RAB11A: variants seen among roughly 807,000 people sequenced by gnomAD.
RAB11A encodes ras-related protein Rab-11A.
In RAB11A, 9 loss-of-function variants were observed where a neutral mutation model predicts 28.0. The ratio of observed to expected loss-of-function variants is 0.32; its 90% confidence interval spans 0.19 to 0.56. The LOEUF is 0.56. RAB11A is among the 20% of genes least tolerant of loss of function. The pLI is 0.91. For synonymous variants in RAB11A, 85 were observed against 88.2 expected (o/e 0.96, Z 0.20); for missense variants, 108 against 269.6 (o/e 0.40, Z 4.20).
chr15:65,877,974 A>G lies in RAB11A; in HGVS notation c.430+19A>G, dbSNP rs761102980. The stretch of plus-strand genomic sequence containing the variant: ...TTTGCAGGTTAGTGATAGGAATTCC[A>G]TGATATTTCTTACCATTGTGTCTTG... On this transcript the variant is annotated intron_variant, in intron 3 of 4. Transcript: ENST00000261890. This position sits in a 1 kb window ranked among gnomAD's most constrained non-coding sequence, Gnocchi z 4.1. The G allele has an allele frequency of 5.6e-6, 9 of 1,594,092 alleles. No homozygotes were observed. Among genetic ancestry groups the G allele is most frequent in the African/African-American group, 1.3e-5 (1 of 74,446 alleles).
intron 1 of RAB11A, among the ~76,000 whole-genome samples, chr15:65,876,823 T>G (rs1272484626): frequency 6.6e-6 from 1 of 152,256 alleles, no homozygotes; most frequent in Non-Finnish European, 1.5e-5. Flanking sequence ...GTCTCAGTCC[T>G]GAGGTCACAC....
In RAB11A at chr15:65,877,339, T is replaced by C; in HGVS notation, c.48T>C (p.Leu16=). The change falls in exon 2 of 5, where the codon CTT becomes CTC. Residue 16 remains leucine, a synonymous_variant. Coordinates refer to ENST00000261890, the MANE Select transcript of RAB11A (RefSeq NM_004663.5). The surrounding 1 kb of genome is among the most constrained non-coding windows in gnomAD (Gnocchi z 4.1). ...AATTCTTTGTCTTTCCAGTTGTCCTTATTGGAGATTCTGGTGTTGGAAAGA... is the reference window on the plus strand; with the variant it reads ...AATTCTTTGTCTTTCCAGTTGTCCTCATTGGAGATTCTGGTGTTGGAAAGA... ...DEYDYLFKVV[L]IGDSGVGKSN... is the part of the protein sequence containing the mutation. 4 of 1,611,894 alleles carry C rather than the reference T, an allele frequency of 2.5e-6. No homozygotes were observed. Among genetic ancestry groups the C allele is most frequent in the East Asian group, 2.2e-5 (1 of 44,838 alleles).
chr15:65,887,656 A>G (rs770209189), intron 4 of RAB11A, 45 bp from the exon 5 acceptor site: 3 of 1,537,138 alleles, frequency 2.0e-6, no homozygotes, highest in South Asian at 2.4e-5. Context: ...CCTAACTATG[A>G]TAGGTTTATT....
intron 1 of RAB11A, among the ~76,000 whole-genome samples, chr15:65,871,723 C>T (rs1596780641): frequency 1.3e-5 from 2 of 152,054 alleles, no homozygotes; most frequent in Admixed American, 1.3e-4. Flanking sequence ...CGGTTTAGAT[C>T]CTGACTCAGG....
rs1714005554 is a variant in RAB11A, at chr15:65,889,854, T to TG, written c.*2017dup. ...TGTTGCTTTGAGTATGGCTGGATCTTGGGAGAATTCCAGGAAATATTAGGT... is the reference window on the plus strand; with the variant it reads ...TGTTGCTTTGAGTATGGCTGGATCTTGGGGAGAATTCCAGGAAATATTAGGT... On this transcript the variant is annotated 3_prime_UTR_variant, in exon 5 of 5. Coordinates refer to ENST00000261890, the MANE Select transcript of RAB11A (RefSeq NM_004663.5). The TG allele has an allele frequency of 6.6e-6, 1 of 152,220 alleles. No homozygotes were observed. The highest frequency in any genetic ancestry group is 2.4e-5 in the African/African-American group (1 of 41,454). The allele number at this position is 152,220 out of a possible 1,614,324, so 9.4% of individuals were successfully genotyped here. A position where few individuals can be genotyped will look rare whatever the true frequency, so the allele number is the denominator to read the frequency against.
intron 3 of RAB11A, 99 bp from the exon 4 acceptor site, chr15:65,879,572 G>C: frequency 1.1e-6 from 1 of 880,630 alleles, no homozygotes; most frequent in Non-Finnish European, 1.8e-6. Flanking sequence ...GAGGTCTTAA[G>C]TTTTAAAAAG....
At position 65,884,464 on chromosome 15, in the gene RAB11A, C is replaced by T. The variant is rs143609406; in HGVS notation, c.512-3237C>T. Among the ~76,000 whole-genome samples the T allele has an allele frequency of 3.5e-3, 527 of 151,998 alleles. 2 individuals are homozygous for T. The highest frequency in any genetic ancestry group is 0.012 in the African/African-American group (510 of 41,474). On this transcript the variant is annotated intron_variant, in intron 4 of 4. Coordinates refer to ENST00000261890, the MANE Select transcript of RAB11A (RefSeq NM_004663.5). Reference sequence around the variant, plus strand: ...GAACCAAAACAAAGAAAAGTTCTTACATAAAAAACAAATATATGTAAAACT... The same window carrying T: ...GAACCAAAACAAAGAAAAGTTCTTATATAAAAAACAAATATATGTAAAACT...
rs191451039 is a variant in RAB11A, at chr15:65,871,704, C to T, written c.40+2079C>T. On this transcript the variant is annotated intron_variant, in intron 1 of 4. Coordinates refer to ENST00000261890, the MANE Select transcript of RAB11A (RefSeq NM_004663.5). Reference sequence around the variant, plus strand: ...TTGAGAGCACTGAGCTTTGGAATCACGTAGACCTCGGTTTAGATCCTGACT... The same window carrying T: ...TTGAGAGCACTGAGCTTTGGAATCATGTAGACCTCGGTTTAGATCCTGACT... 1.8e-3 allele frequency among the ~76,000 whole-genome samples: 272 copies of T among 152,228 alleles called. 1 individual carries two copies. Among genetic ancestry groups the T allele is most frequent in the Admixed American group, 4.0e-3 (61 of 15,292 alleles).
chr15:65,884,849 G>C (rs2078245330), intron 4 of RAB11A, among the ~76,000 whole-genome samples: 1 of 151,286 alleles, frequency 6.6e-6, no homozygotes, highest in Admixed American at 6.6e-5. Context: ...TATTTCATTG[G>C]GAGTTTTGTG....
chr15:65,875,773 C>T (rs2078188232), intron 1 of RAB11A, among the ~76,000 whole-genome samples: 2 of 152,230 alleles, frequency 1.3e-5, no homozygotes, highest in African/African-American at 2.4e-5. Context: ...AATGGACTCT[C>T]TTTGCCCTCT....
chr15:65,885,253 G>T, intron 4 of RAB11A, among the ~76,000 whole-genome samples: 1 of 150,364 alleles, frequency 6.7e-6, no homozygotes, highest in Non-Finnish European at 1.5e-5. Flanking sequence ...TTCCCAAGTA[G>T]CTGAGACTAC....
Position 65,877,995 on chromosome 15 carries a change from T to A in RAB11A, c.430+40T>A. On this transcript the variant is annotated intron_variant, in intron 3 of 4. Coordinates refer to ENST00000261890, the MANE Select transcript of RAB11A (RefSeq NM_004663.5). The surrounding 1 kb of genome is among the most constrained non-coding windows in gnomAD (Gnocchi z 4.1). ...TTCCATGATATTTCTTACCATTGTG[T>A]CTTGTGGTTTTGATACCTTCCAATG... is the stretch of plus-strand genomic sequence containing the variant. The A allele has an allele frequency of 1.3e-6, 2 of 1,559,564 alleles. No homozygotes were observed. Among genetic ancestry groups the A allele is most frequent in the Non-Finnish European group, 1.8e-6 (2 of 1,130,686 alleles).
intron 4 of RAB11A, among the ~76,000 whole-genome samples, chr15:65,886,186 A>G (rs2078254736): frequency 6.6e-6 from 1 of 152,178 alleles, no homozygotes; most frequent in Non-Finnish European, 1.5e-5. Flanking sequence ...ATTTTGGAGT[A>G]TGGGTTTCTG....
rs1445157438 is a variant in RAB11A at position 65,877,090 on chromosome 15, C to A, written c.41-242C>A. On this transcript the variant is annotated intron_variant, in intron 1 of 4. Coordinates refer to ENST00000261890, the MANE Select transcript of RAB11A (RefSeq NM_004663.5). The surrounding 1 kb of genome is among the most constrained non-coding windows in gnomAD (Gnocchi z 4.1). ...GACAGGGTACCGTATCTGTGCTAAG[C>A]AGATGATATGTGGAAGTCATGCAGG... Among the ~76,000 whole-genome samples the A allele has an allele frequency of 6.6e-6, 1 of 152,188 alleles. No individual in the cohort carries two copies. The highest frequency in any genetic ancestry group is 2.4e-5 in the African/African-American group (1 of 41,428).
chr15:65,884,037 G>A (rs1596790619), intron 4 of RAB11A, among the ~76,000 whole-genome samples: 1 of 152,228 alleles, frequency 6.6e-6, no homozygotes, highest in East Asian at 1.9e-4. Flanking sequence ...TCTTTTGTGG[G>A]GGAAGGGGAG....
In RAB11A at chr15:65,887,885, C is replaced by G; in HGVS notation, c.*45C>G. ...AGAAGGCTGTGTATAGTCCATTTCC[C>G]AGGTCTGAGATTTAAATATATTTGT... On this transcript the variant is annotated 3_prime_UTR_variant, in exon 5 of 5. Transcript: ENST00000261890. 3 of 1,457,642 alleles carry G rather than the reference C, an allele frequency of 2.1e-6. No individual in the cohort carries two copies. Among genetic ancestry groups the G allele is most frequent in the Non-Finnish European group, 2.7e-6 (3 of 1,097,686 alleles). The allele number at this position is 1,457,642 out of a possible 1,614,324, so 90.3% of individuals were successfully genotyped here.
chr15:65,882,848 CTTT>C (rs1383547853), intron 4 of RAB11A, among the ~76,000 whole-genome samples: 1 of 152,072 alleles, frequency 6.6e-6, no homozygotes, highest in African/African-American at 2.4e-5. Context: ...ATACCTTTTA[CTTT>C]TTTATTTTAA....
At position 65,888,450 on chromosome 15, in the gene RAB11A, A is replaced by G. The variant is rs1354331790; in HGVS notation, c.*610A>G. 6.6e-6 allele frequency: 1 copy of G among 152,568 alleles called. No individual in the cohort carries two copies. Among genetic ancestry groups the G allele is most frequent in the African/African-American group, 2.4e-5 (1 of 41,444 alleles). The allele number at this position is 152,568 out of a possible 1,614,324, so 9.5% of individuals were successfully genotyped here. A position where few individuals can be genotyped will look rare whatever the true frequency, so the allele number is the denominator to read the frequency against. On this transcript the variant is annotated 3_prime_UTR_variant, in exon 5 of 5. Coordinates refer to ENST00000261890, the MANE Select transcript of RAB11A (RefSeq NM_004663.5). ...GAGAGGGGGGCACTTTTTCTGGAGA[A>G]TTCTCTTAGTAAACACAAAAGATTG...
chr15:65,876,856 A>G (rs1459228879), intron 1 of RAB11A, among the ~76,000 whole-genome samples: 1 of 152,166 alleles, frequency 6.6e-6, no homozygotes, highest in Non-Finnish European at 1.5e-5. Flanking sequence ...GAAACGAAGT[A>G]TATTCATTTT....
Sources: gnomAD v4.1 joint callset for allele counts (sites outside exome capture counted in the v4.1 genomes callset) on GRCh38, gnomAD v4.1.1 for gene constraint, Gnocchi (gnomAD v3.1) non-coding constraint, MANE v1.5 for transcripts, NCBI Gene and HGNC (gene_info 2026-07-23, HGNC 2026-07-21) for gene names.